TENM2: variants seen among roughly 807,000 people sequenced by gnomAD.
TENM2 encodes the protein teneurin transmembrane protein 2.
In TENM2, 52 loss-of-function variants were observed where a neutral mutation model predicts 245.2. That is an observed-to-expected ratio of 0.21 (90% CI 0.17 to 0.27). The LOEUF is 0.27. Among genes scored for constraint, TENM2 ranks in the 10% least tolerant of loss-of-function variants. TENM2 has a pLI of 1.00. For synonymous variants in TENM2, 1,363 were observed against 1,438.9 expected (o/e 0.95, Z 1.19); for missense variants, 3,046 against 3,666.8 (o/e 0.83, Z 4.37).
intron 1 of TENM2, among the ~76,000 whole-genome samples, chr5:167,307,493 G>A (rs916805158): frequency 4.6e-5 from 7 of 152,046 alleles, no homozygotes; most frequent in African/African-American, 1.7e-4. Context: ...AAAATGCCAC[G>A]ACCACCGAAT....
At chr5:167,779,697 C>T (rs1003602034) in intron 2 of TENM2, among the ~76,000 whole-genome samples, 34 of 152,206 alleles carry the variant, frequency 2.2e-4, no homozygotes, top group African/African-American at 7.7e-4. Context: ...TGGCTCCCCT[C>T]TTCGTGTTTG....
chr5:167,714,911 A>C (rs1582823243), intron 2 of TENM2, among the ~76,000 whole-genome samples: 3 of 152,190 alleles, frequency 2.0e-5, no homozygotes, highest in Admixed American at 1.3e-4. Context: ...GTTAGCTTAG[A>C]AGGGCTGAAC....
intron 13 of TENM2, chr5:168,187,229 C>G (rs1013802386): frequency 1.3e-5 from 2 of 152,116 alleles, no homozygotes; most frequent in Admixed American, 1.3e-4. Flanking sequence ...CCAGGATCAA[C>G]AAAACAGTGG....
At chr5:167,349,048 C>T (rs540835046) in intron 1 of TENM2, among the ~76,000 whole-genome samples, 1 of 152,266 alleles carries the variant, frequency 6.6e-6, no homozygotes, top group African/African-American at 2.4e-5. Flanking sequence ...ATAAAATTCC[C>T]CCACTTCAAG....
rs539572278 is a variant in TENM2, at chr5:168,217,122, G to T, written c.4233+200G>T. 5.9e-5 allele frequency among the ~76,000 whole-genome samples: 9 copies of T among 152,250 alleles called. 1 individual carries two copies. Among genetic ancestry groups the T allele is most frequent in the African/African-American group, 1.9e-4 (8 of 41,544 alleles). ...GTCAGATAGGTATGAGAGAGAGAGA[G>T]AGAGCAAGAGAGAGGGAAAACTGTT... is the stretch of plus-strand genomic sequence containing the variant. On this transcript the variant is annotated intron_variant, in intron 22 of 28. Transcript: ENST00000518659.
At chr5:167,342,507 C>CTTTTTTTTTTTTTTTTT (rs35451881) in intron 1 of TENM2, among the ~76,000 whole-genome samples, 2 of 54,278 alleles carry the variant, frequency 3.7e-5, no homozygotes, top group African/African-American at 8.0e-5. Flanking sequence ...TAAAGTTATT[C>CTTTTTTTTTTTTTTTTT]TTTTTTTTTT....
intron 2 of TENM2, among the ~76,000 whole-genome samples, chr5:167,724,253 G>A (rs1315477971): frequency 6.6e-6 from 1 of 151,618 alleles, no homozygotes; most frequent in Non-Finnish European, 1.5e-5. Flanking sequence ...CCTTGTAAAT[G>A]GTTTTGGAAA....
At position 167,940,038 on chromosome 5, in the gene TENM2, G is replaced by A. The variant is rs890876348; in HGVS notation, c.713-12550G>A. 5.5e-4 allele frequency among the ~76,000 whole-genome samples: 83 copies of A among 152,230 alleles called. 1 individual carries two copies. The highest frequency in any genetic ancestry group is 1.7e-3 in the African/African-American group (70 of 41,540). On this transcript the variant is annotated intron_variant, in intron 3 of 28. Coordinates refer to ENST00000518659, the Ensembl canonical transcript of TENM2. ...TTCTGCTTGTAAGGCATTTGTTGTC[G>A]TGTTTGGATTGCTGTAGGAAGAGAA...
intron 2 of TENM2, among the ~76,000 whole-genome samples, chr5:167,827,566 A>C (rs1213292981): frequency 6.9e-6 from 1 of 144,244 alleles, no homozygotes; most frequent in Non-Finnish European, 1.5e-5. Flanking sequence ...CCTGCAGCTG[A>C]AGGAACCAAA....
chr5:167,356,774 G>A (rs890984305), intron 1 of TENM2, among the ~76,000 whole-genome samples: 5 of 152,186 alleles, frequency 3.3e-5, no homozygotes, highest in African/African-American at 1.2e-4. Flanking sequence ...TTTTATGGAG[G>A]AAGCATGGCT....
chr5:167,960,335 G>C (rs374515578), intron 4 of TENM2, among the ~76,000 whole-genome samples: 2 of 152,222 alleles, frequency 1.3e-5, no homozygotes, highest in African/African-American at 4.8e-5. Flanking sequence ...AGGGAGACGG[G>C]AGTTTTATCT....
At chr5:168,023,520 G>A (rs959729642) in intron 5 of TENM2, among the ~76,000 whole-genome samples, 9 of 152,168 alleles carry the variant, frequency 5.9e-5, no homozygotes, top group Non-Finnish European at 7.3e-5. Flanking sequence ...GCGGGGATGC[G>A]GGGCCTGCCT....
At chr5:167,594,439 G>A (rs965472304) in intron 2 of TENM2, among the ~76,000 whole-genome samples, 5 of 152,268 alleles carry the variant, frequency 3.3e-5, no homozygotes, top group Admixed American at 6.5e-5. Flanking sequence ...CTCTAGAAAT[G>A]TGGGTTGTCA....
chr5:167,254,102 A>G, the TENM2 span, among the ~76,000 whole-genome samples: 1 of 151,920 alleles, frequency 6.6e-6, no homozygotes, highest in Non-Finnish European at 1.5e-5. Flanking sequence ...TCTACACTTC[A>G]GTAAGGATTA....
At chr5:168,254,344 A>T (rs191690490) in intron 27 of TENM2, among the ~76,000 whole-genome samples, 4 of 152,334 alleles carry the variant, frequency 2.6e-5, no homozygotes, top group Admixed American at 2.6e-4. Context: ...CTTCCGCAGC[A>T]TGGAGCGGAG....
chr5:167,374,475 CATGTTAT>C (rs1357761970), intron 1 of TENM2, among the ~76,000 whole-genome samples: 2 of 152,104 alleles, frequency 1.3e-5, no homozygotes, highest in African/African-American at 4.8e-5. Flanking sequence ...TAGTTTGGCA[CATGTTAT>C]ATGAGGCACA....
intron 13 of TENM2, among the ~76,000 whole-genome samples, chr5:168,163,912 G>T (rs1013648802): frequency 6.6e-6 from 1 of 152,158 alleles, no homozygotes; most frequent in Non-Finnish European, 1.5e-5. Context: ...GGTGCCGGGG[G>T]TGATTACCCT....
At chr5:167,614,149 G>C (rs1473297275) in intron 2 of TENM2, among the ~76,000 whole-genome samples, 1 of 152,120 alleles carries the variant, frequency 6.6e-6, no homozygotes, top group East Asian at 1.9e-4. Flanking sequence ...CTACTCAACT[G>C]ATTATACCTG....
At chr5:168,183,887 G>C (rs2152496495) in intron 13 of TENM2, among the ~76,000 whole-genome samples, 1 of 152,162 alleles carries the variant, frequency 6.6e-6, no homozygotes, top group South Asian at 2.1e-4. Flanking sequence ...CACTTAGTAG[G>C]TGACAAGGTG....
Sources: allele counts gnomAD v4.1 joint callset (sites outside exome capture counted in the v4.1 genomes callset), GRCh38; gene constraint gnomAD v4.1.1; transcripts MANE v1.5; gene names NCBI Gene and HGNC (gene_info 2026-07-23, HGNC 2026-07-21).